GABRG1: variants seen among roughly 807,000 people sequenced by gnomAD.
GABRG1 encodes the protein gamma-aminobutyric acid receptor subunit gamma-1.
A neutral mutation model predicts 49.8 loss-of-function variants in GABRG1; 49 were observed. The observed-to-expected ratio is 0.98, with a 90% CI of 0.78 to 1.25. The LOEUF is 1.25. GABRG1 is among the 50% of genes most tolerant of loss of function. GABRG1 has a pLI of 0.00. For synonymous variants in GABRG1, 232 were observed against 185.1 expected (o/e 1.25, Z -2.06); for missense variants, 552 against 552.3 (o/e 1.00, Z 0.01).
At chr4:46,059,819 T>G (rs1022174871) in intron 5 of GABRG1, among the ~76,000 whole-genome samples, 2 of 152,166 alleles carry the variant, frequency 1.3e-5, no homozygotes, top group Non-Finnish European at 2.9e-5. Context: ...CCATGAAGTG[T>G]ATTTTATTTC....
At chr4:46,073,496 A>G (rs377125552) in intron 3 of GABRG1, among the ~76,000 whole-genome samples, 1 of 152,032 alleles carries the variant, frequency 6.6e-6, no homozygotes, top group Non-Finnish European at 1.5e-5. Context: ...CCTTTCTTTT[A>G]TCTTGTTTTT....
At chr4:46,121,218 T>G (rs1370341649) in intron 1 of GABRG1, among the ~76,000 whole-genome samples, 1 of 151,914 alleles carries the variant, frequency 6.6e-6, no homozygotes, top group Non-Finnish European at 1.5e-5. Flanking sequence ...TCAAGATATA[T>G]TTTGGAAATC....
chr4:46,107,192 C>A lies in GABRG1; in HGVS notation c.105-9843G>T, dbSNP rs531117897. On this transcript the variant is annotated intron_variant, in intron 1 of 8. Coordinates refer to ENST00000295452, the MANE Select transcript of GABRG1 (RefSeq NM_173536.4). Reference sequence around the variant, plus strand: ...TTTTTGTACCCATTATGTGGTTTTACAATTGTCTATTGATCTTTTCTCTCC... The same window carrying A: ...TTTTTGTACCCATTATGTGGTTTTAAAATTGTCTATTGATCTTTTCTCTCC... Among the ~76,000 whole-genome samples the A allele has an allele frequency of 1.1e-3, 173 of 151,158 alleles. 2 individuals are homozygous for A. In the South Asian group the frequency reaches 0.036, roughly 31 times the overall value.
chr4:46,089,383 A>G (rs1719898290), intron 2 of GABRG1, among the ~76,000 whole-genome samples: 1 of 152,094 alleles, frequency 6.6e-6, no homozygotes, highest in South Asian at 2.1e-4. Context: ...TAAGGTTGCA[A>G]CTATGCCCAG....
intron 5 of GABRG1, among the ~76,000 whole-genome samples, chr4:46,062,278 T>C (rs986913831): frequency 6.6e-6 from 1 of 151,898 alleles, no homozygotes; most frequent in Admixed American, 6.6e-5. Context: ...TCTATCATTG[T>C]TGGACATTTG....
At chr4:46,120,395 G>T (rs941538080) in intron 1 of GABRG1, among the ~76,000 whole-genome samples, 1 of 151,128 alleles carries the variant, frequency 6.6e-6, no homozygotes, top group Non-Finnish European at 1.5e-5. Context: ...ATTTCCTCTT[G>T]TTCCTTAGCC....
chr4:46,067,426 A>G (rs769270763), intron 3 of GABRG1, among the ~76,000 whole-genome samples: 16 of 152,150 alleles, frequency 1.1e-4, no homozygotes, highest in Non-Finnish European at 1.8e-4. Flanking sequence ...TAATTTATTC[A>G]TATAATGAAG....
At chr4:46,048,465 A>G (rs907642627) in intron 8 of GABRG1, among the ~76,000 whole-genome samples, 2 of 151,092 alleles carry the variant, frequency 1.3e-5, no homozygotes, top group Non-Finnish European at 2.9e-5. Context: ...GGTGGTATCT[A>G]TATACTTCAG....
intron 3 of GABRG1, among the ~76,000 whole-genome samples, chr4:46,076,400 TATATG>T: frequency 7.0e-6 from 1 of 142,852 alleles, no homozygotes; most frequent in Non-Finnish European, 1.5e-5. Context: ...TATATATATA[TATATG>T]CTAAATTACT....
chr4:46,098,150 C>G (rs1159193771), intron 1 of GABRG1, among the ~76,000 whole-genome samples: 1 of 151,714 alleles, frequency 6.6e-6, no homozygotes, highest in African/African-American at 2.4e-5. Flanking sequence ...CCAACTATTG[C>G]TTTCTGATAC....
intron 1 of GABRG1, among the ~76,000 whole-genome samples, chr4:46,122,539 AAAAG>A (rs1194448752): frequency 6.6e-6 from 1 of 152,182 alleles, no homozygotes; most frequent in Admixed American, 6.6e-5. Context: ...GGGTTAAAAA[AAAAG>A]AGAGAGAAAA....
chr4:46,084,181 A>G, intron 2 of GABRG1, 128 bp from the exon 3 acceptor site: 2 of 603,874 alleles, frequency 3.3e-6, no homozygotes, highest in Non-Finnish European at 5.9e-6. Context: ...ATCTTTTATT[A>G]TGAAATGCAG....
intron 3 of GABRG1, among the ~76,000 whole-genome samples, chr4:46,070,531 G>A (rs187112410): frequency 6.8e-4 from 103 of 152,108 alleles, no homozygotes; most frequent in African/African-American, 2.4e-3. Context: ...TGAATTCTGG[G>A]TTTGGAGCAA....
intron 3 of GABRG1, among the ~76,000 whole-genome samples, chr4:46,066,188 A>G (rs1718913809): frequency 6.6e-6 from 1 of 152,196 alleles, no homozygotes; most frequent in South Asian, 2.1e-4. Context: ...AAGTTATCTT[A>G]ATGTCAACAA....
intron 3 of GABRG1, among the ~76,000 whole-genome samples, chr4:46,067,647 T>C (rs1162542748): frequency 6.6e-6 from 1 of 152,102 alleles, no homozygotes; most frequent in Admixed American, 6.6e-5. Flanking sequence ...ATGGCACAGA[T>C]CAAACTGTGC....
chr4:46,081,136 G>T (rs1462869376), intron 3 of GABRG1, among the ~76,000 whole-genome samples: 1 of 151,450 alleles, frequency 6.6e-6, no homozygotes, highest in African/African-American at 2.4e-5. Context: ...CATCTTTCAG[G>T]TCCTTAAATA....
At chr4:46,090,767 A>G (rs1193813604) in intron 2 of GABRG1, among the ~76,000 whole-genome samples, 3 of 152,006 alleles carry the variant, frequency 2.0e-5, no homozygotes, top group Non-Finnish European at 4.4e-5. Flanking sequence ...CGTGAGTTCT[A>G]CATTACTCTT....
At chr4:46,086,865 T>C (rs1259779453) in intron 2 of GABRG1, among the ~76,000 whole-genome samples, 1 of 151,692 alleles carries the variant, frequency 6.6e-6, no homozygotes, top group Non-Finnish European at 1.5e-5. Flanking sequence ...TTTCTATGAA[T>C]ATTTTCTTTT....
chr4:46,069,252 C>T (rs2350438), intron 3 of GABRG1, among the ~76,000 whole-genome samples: 76,778 of 151,782 alleles, frequency 0.51, 19,997 homozygotes, highest in African/African-American at 0.63. Context: ...TTTATTATTC[C>T]TATGTTGGCA....
Sources: gnomAD v4.1 joint callset for allele counts (sites outside exome capture counted in the v4.1 genomes callset) on GRCh38, gnomAD v4.1.1 for gene constraint, MANE v1.5 for transcripts, NCBI Gene and HGNC (gene_info 2026-07-23, HGNC 2026-07-21) for gene names.